Variants in MAGI1 observed in about 807,000 individuals in gnomAD.
The protein encoded by MAGI1 is membrane-associated guanylate kinase, WW and PDZ domain-containing protein 1.
MAGI1 carries 58 observed loss-of-function variants against 139.9 expected under a neutral mutation model. The ratio of observed to expected loss-of-function variants is 0.41; its 90% CI spans 0.34 to 0.52. The LOEUF (loss-of-function observed/expected upper bound fraction) is 0.52, where lower values mean the gene tolerates loss of function less well. Ranked by LOEUF, MAGI1 falls within the 20% of genes least tolerant of loss-of-function variation. MAGI1 has a pLI of 0.12. For missense variants in MAGI1, 1,874 were observed against 1,901.6 expected (o/e 0.99, Z 0.27); for synonymous variants, 812 against 737.9 (o/e 1.10, Z -1.63).
intron 22 of MAGI1, chr3:65,360,461 C>T (rs1377864786): frequency 1.0e-6 from 1 of 983,926 alleles, no homozygotes; most frequent in African/African-American, 1.8e-5. Flanking sequence ...AAGATCATTG[C>T]TGTCTACTCA....
intron 1 of MAGI1, among the ~76,000 whole-genome samples, chr3:65,739,296 C>T (rs1004571866): frequency 2.0e-4 from 30 of 152,194 alleles, no homozygotes; most frequent in Admixed American, 5.2e-4. Flanking sequence ...ACCTCTCAGC[C>T]TTCATTCACA....
rs1323185054 is a variant in MAGI1 at position 65,891,884 on chromosome 3, TAATATATATATATATA to T, written c.313+146096_313+146111del. 1.6e-3 allele frequency among the ~76,000 whole-genome samples: 136 copies of T among 85,884 alleles called. 1 individual carries two copies. Among genetic ancestry groups the T allele is most frequent in the African/African-American group, 6.3e-3 (133 of 20,972 alleles). 56.3% of individuals were successfully genotyped at this position (85,884 alleles called of 152,430 possible). ...CAAATGTACCCTAGAACTTAAAGTA[TAATATATATATATATA>T]TATATATATATATATATATATATAT... On this transcript the variant is annotated intron_variant, in intron 1 of 22. Coordinates refer to ENST00000402939, the MANE Select transcript of MAGI1 (RefSeq NM_001033057.2).
At chr3:65,809,260 C>T (rs746481076) in intron 1 of MAGI1, among the ~76,000 whole-genome samples, 2 of 152,206 alleles carry the variant, frequency 1.3e-5, no homozygotes, top group East Asian at 1.9e-4. Context: ...AACTTGTTTC[C>T]GGACACTTCA....
intron 1 of MAGI1, among the ~76,000 whole-genome samples, chr3:66,024,314 T>C (rs1576498596): frequency 1.2e-5 from 1 of 85,726 alleles, no homozygotes; most frequent in African/African-American, 6.1e-5. Context: ...GCAAAGTTCA[T>C]TAAAAAAAAA....
chr3:65,473,099 G>C (rs1178290679), intron 4 of MAGI1, among the ~76,000 whole-genome samples: 5 of 152,136 alleles, frequency 3.3e-5, no homozygotes, highest in Non-Finnish European at 7.3e-5. Context: ...AAGGCGCTTA[G>C]AATAGTGTCT....
intron 1 of MAGI1, among the ~76,000 whole-genome samples, chr3:65,808,994 CAG>C (rs971736243): frequency 2.0e-4 from 31 of 152,212 alleles, no homozygotes; most frequent in Admixed American, 1.8e-3. Context: ...GAGTAATACT[CAG>C]AGTGTGAATA....
At chr3:65,478,441 C>A (rs1951032470) in intron 4 of MAGI1, 151 bp downstream of exon 4, 3 of 690,672 alleles carry the variant, frequency 4.3e-6, no homozygotes, top group Non-Finnish European at 7.7e-6. Context: ...AAAGGACCAT[C>A]TCTTCTGCAA....
chr3:65,855,806 C>A (rs2059361474), intron 1 of MAGI1, among the ~76,000 whole-genome samples: 1 of 151,632 alleles, frequency 6.6e-6, no homozygotes, highest in South Asian at 2.1e-4. Context: ...GGAAAAGCAC[C>A]ATGCCAATTC....
chr3:65,407,731 A>G (rs140653002), intron 12 of MAGI1, among the ~76,000 whole-genome samples: 11 of 152,300 alleles, frequency 7.2e-5, no homozygotes, highest in Admixed American at 5.9e-4. Context: ...TTTTCTAAAC[A>G]CTAGGATTAA....
intron 1 of MAGI1, among the ~76,000 whole-genome samples, chr3:65,782,242 C>T (rs1225781384): frequency 6.6e-6 from 1 of 151,950 alleles, no homozygotes; most frequent in Non-Finnish European, 1.5e-5. Context: ...TCTGGGTGGG[C>T]CCAATATAAT....
chr3:65,578,535 G>C (rs1426712513), intron 2 of MAGI1, among the ~76,000 whole-genome samples: 4 of 152,162 alleles, frequency 2.6e-5, no homozygotes, highest in Non-Finnish European at 5.9e-5. Context: ...ATAAGAGCTG[G>C]ATGCCAACTT....
intron 1 of MAGI1, among the ~76,000 whole-genome samples, chr3:65,730,603 G>A (rs1211671544): frequency 1.3e-5 from 2 of 152,252 alleles, no homozygotes; most frequent in Non-Finnish European, 2.9e-5. Flanking sequence ...CACGACGTAT[G>A]ACCTGGGACA....
chr3:65,659,763 A>G (rs2086088660), intron 1 of MAGI1, among the ~76,000 whole-genome samples: 1 of 152,164 alleles, frequency 6.6e-6, no homozygotes, highest in Non-Finnish European at 1.5e-5. Flanking sequence ...AAGAGCCTGG[A>G]TATCAGCTGG....
intron 22 of MAGI1, chr3:65,359,413 C>A: frequency 8.1e-7 from 1 of 1,242,098 alleles, no homozygotes; most frequent in Non-Finnish European, 1.0e-6. Flanking sequence ...ACGAATGCAT[C>A]CTTTTTTGTT....
At chr3:65,803,707 ACCTTCCAGTAGG>A (rs2040661253) in intron 1 of MAGI1, among the ~76,000 whole-genome samples, 1 of 151,750 alleles carries the variant, frequency 6.6e-6, no homozygotes, top group South Asian at 2.1e-4. Context: ...GTCACCCTCT[ACCTTCCAGTAGG>A]CCCCAGTGTC....
chr3:66,004,091 C>G (rs1378109430), intron 1 of MAGI1, among the ~76,000 whole-genome samples: 2 of 152,142 alleles, frequency 1.3e-5, no homozygotes, highest in Admixed American at 6.5e-5. Context: ...TTCGCCAAAA[C>G]AGATGTGGGG....
chr3:65,719,817 G>A (rs1364584577), intron 1 of MAGI1, among the ~76,000 whole-genome samples: 1 of 152,112 alleles, frequency 6.6e-6, no homozygotes, highest in Admixed American at 6.5e-5. Flanking sequence ...AAAGTGCTGG[G>A]ATTACAGGCA....
Position 65,609,184 on chromosome 3 carries a change from T to C in MAGI1, c.430+12788A>G, listed in dbSNP as rs866309713. On this transcript the variant is annotated intron_variant, in intron 2 of 22. Coordinates refer to ENST00000402939, the MANE Select transcript of MAGI1 (RefSeq NM_001033057.2). ...AAATGGTTATATGGATGAGTGTGCG[T>C]GGTGCATGTGTGTGCGTAAAAATTT... Among the ~76,000 whole-genome samples, 17 of 152,292 alleles carry C rather than the reference T, an allele frequency of 1.1e-4. 1 individual carries two copies. Among genetic ancestry groups the C allele is most frequent in the Middle Eastern group, 3.4e-3 (1 of 294 alleles).
At chr3:65,474,845 T>G (rs753922817) in intron 4 of MAGI1, among the ~76,000 whole-genome samples, 13 of 152,192 alleles carry the variant, frequency 8.5e-5, no homozygotes, top group African/African-American at 1.9e-4. Context: ...GCACTCAGGC[T>G]GTGGAATCAG....
Sources: allele counts gnomAD v4.1 joint callset (sites outside exome capture counted in the v4.1 genomes callset), GRCh38; gene constraint gnomAD v4.1.1; transcripts MANE v1.5; gene names NCBI Gene and HGNC (gene_info 2026-07-23, HGNC 2026-07-21).